The following GRM8 variants were observed in gnomAD, a reference collection of about 807,000 sequenced individuals.
The protein encoded by GRM8 is metabotropic glutamate receptor 8.
In GRM8, 47 loss-of-function variants were observed where a neutral mutation model predicts 87.2. That is an observed-to-expected ratio of 0.54 (90% confidence interval 0.43 to 0.69). The LOEUF is 0.69. Ranked by LOEUF, GRM8 falls within the 30% of genes least tolerant of loss-of-function variation. The pLI is 0.00. For missense variants in GRM8, 1,019 were observed against 1,139.2 expected (o/e 0.89, Z 1.52); for synonymous variants, 396 against 404.5 (o/e 0.98, Z 0.25).
At chr7:126,678,682 G>A (rs1585487646) in intron 7 of GRM8, among the ~76,000 whole-genome samples, 1 of 152,266 alleles carries the variant, frequency 6.6e-6, no homozygotes, top group East Asian at 1.9e-4. Context: ...CTGCCTGGAG[G>A]ACCCATCTTC....
intron 7 of GRM8, among the ~76,000 whole-genome samples, chr7:126,610,952 A>G (rs918803804): frequency 6.6e-6 from 1 of 152,152 alleles, no homozygotes; most frequent in Non-Finnish European, 1.5e-5. Context: ...GTCCAGGCTC[A>G]CTCCATTCCC....
intron 9 of GRM8, chr7:126,512,962 T>G (rs192590411): frequency 6.6e-6 from 1 of 152,250 alleles, no homozygotes; most frequent in African/African-American, 2.4e-5. Flanking sequence ...GACCATTATT[T>G]TCATGGACCA....
At chr7:127,182,857 AG>A (rs1794542711) in intron 2 of GRM8, among the ~76,000 whole-genome samples, 1 of 151,730 alleles carries the variant, frequency 6.6e-6, no homozygotes, top group African/African-American at 2.4e-5. Flanking sequence ...GAGGACAAAA[AG>A]GCATAAGAAT....
intron 8 of GRM8, among the ~76,000 whole-genome samples, chr7:126,548,871 A>G (rs1045002055): frequency 1.3e-5 from 2 of 152,218 alleles, no homozygotes; most frequent in Non-Finnish European, 1.5e-5. Context: ...AGTGGGACCA[A>G]TGGACTTTCA....
chr7:126,911,006 AGG>A (rs1803229365), intron 3 of GRM8, among the ~76,000 whole-genome samples: 1 of 152,178 alleles, frequency 6.6e-6, no homozygotes, highest in Non-Finnish European at 1.5e-5. Context: ...CCAATTATAA[AGG>A]GTAAATTCCT....
chr7:126,779,990 T>C (rs544835334), intron 6 of GRM8, among the ~76,000 whole-genome samples: 10 of 152,220 alleles, frequency 6.6e-5, no homozygotes, highest in Non-Finnish European at 1.5e-4. Context: ...ATGTAAGGCA[T>C]CTGGCACCTT....
chr7:126,764,481 T>C (rs936386815), intron 7 of GRM8, among the ~76,000 whole-genome samples: 1 of 152,092 alleles, frequency 6.6e-6, no homozygotes, highest in African/African-American at 2.4e-5. Flanking sequence ...TCCTTTCAGA[T>C]AGCTTAAAGG....
chr7:126,735,154 A>G (rs1330271258), intron 7 of GRM8, among the ~76,000 whole-genome samples: 1 of 152,082 alleles, frequency 6.6e-6, no homozygotes, highest in African/African-American at 2.4e-5. Flanking sequence ...AGTAACACCA[A>G]ATATGAATAG....
intron 6 of GRM8, among the ~76,000 whole-genome samples, chr7:126,852,259 G>C (rs1458603689): frequency 1.3e-5 from 2 of 152,138 alleles, no homozygotes; most frequent in African/African-American, 4.8e-5. Flanking sequence ...AGGCAGCCAG[G>C]CCCAGCATGA....
At chr7:127,160,665 T>C (rs1182508831) in intron 2 of GRM8, among the ~76,000 whole-genome samples, 1 of 151,988 alleles carries the variant, frequency 6.6e-6, no homozygotes, top group African/African-American at 2.4e-5. Context: ...TCTGGGGAGC[T>C]GTGGAAGGGA....
At chr7:127,107,072 G>A (rs980884656) in intron 2 of GRM8, among the ~76,000 whole-genome samples, 1 of 152,120 alleles carries the variant, frequency 6.6e-6, no homozygotes. Flanking sequence ...AAAAATGAAG[G>A]CATATACATC....
Position 127,106,652 on chromosome 7 carries a change from A to T in GRM8, c.571T>A (p.Phe191Ile), listed in dbSNP as rs1290112676. The T allele has an allele frequency of 6.2e-7, 1 of 1,613,894 alleles. No individual in the cohort carries two copies. Among genetic ancestry groups the T allele is most frequent in the Non-Finnish European group, 8.5e-7 (1 of 1,179,942 alleles). ...PELSDNTRYD[F>I]FSRVVPPDSY... ...TCAGGCGGAACCACTCGAGAGAAAAAGTCATACCTGGTGTTATCACTTAGC... is the reference window on the plus strand; with the variant it reads ...TCAGGCGGAACCACTCGAGAGAAAATGTCATACCTGGTGTTATCACTTAGC... Residue 191 changes from phenylalanine (F) to isoleucine (I), a missense_variant, in exon 3 of 11, where the codon TTT becomes ATT. By Grantham distance (21) the Phe-to-Ile change is conservative. Coordinates refer to ENST00000339582, the MANE Select transcript of GRM8 (RefSeq NM_000845.3).
At chr7:126,646,063 C>T (rs1211563941) in intron 7 of GRM8, among the ~76,000 whole-genome samples, 1 of 152,134 alleles carries the variant, frequency 6.6e-6, no homozygotes, top group Non-Finnish European at 1.5e-5. Flanking sequence ...TCCCACTGCA[C>T]TCTGGTCATC....
At chr7:126,474,268 G>GTGTA (rs1554444586) in intron 9 of GRM8, among the ~76,000 whole-genome samples, 34 of 150,294 alleles carry the variant, frequency 2.3e-4, no homozygotes, top group African/African-American at 5.6e-4. Context: ...GTGTGTGTGT[G>GTGTA]TATATATATA....
intron 3 of GRM8, chr7:127,075,961 G>C (rs1822215112): frequency 3.0e-6 from 1 of 338,714 alleles, no homozygotes; most frequent in Non-Finnish European, 5.8e-6. Flanking sequence ...GCCTGACACA[G>C]AGACAGTGCT....
chr7:126,445,857 A>G (rs926614067), intron 10 of GRM8, among the ~76,000 whole-genome samples: 2 of 151,988 alleles, frequency 1.3e-5, no homozygotes, highest in African/African-American at 4.8e-5. Flanking sequence ...TTCAAATACC[A>G]AGCTTTGTAA....
intron 3 of GRM8, among the ~76,000 whole-genome samples, chr7:127,031,621 G>A (rs1378433692): frequency 6.6e-6 from 1 of 151,998 alleles, no homozygotes; most frequent in Non-Finnish European, 1.5e-5. Context: ...AAATTAATAA[G>A]ATCACCTTAT....
At chr7:126,838,705 C>A (rs1796013205) in intron 6 of GRM8, among the ~76,000 whole-genome samples, 2 of 152,122 alleles carry the variant, frequency 1.3e-5, no homozygotes, top group Admixed American at 1.3e-4. Flanking sequence ...TACTAACAAA[C>A]AAAATAAAAT....
At chr7:126,800,536 AT>A (rs1415805593) in intron 6 of GRM8, among the ~76,000 whole-genome samples, 3 of 152,122 alleles carry the variant, frequency 2.0e-5, no homozygotes, top group Non-Finnish European at 4.4e-5. Context: ...CTACACGCTA[AT>A]TTGTTTCTTT....
Sources: gnomAD v4.1 joint callset for allele counts (sites outside exome capture counted in the v4.1 genomes callset) on GRCh38, gnomAD v4.1.1 for gene constraint, MANE v1.5 for transcripts, NCBI Gene and HGNC (gene_info 2026-07-23, HGNC 2026-07-21) for gene names.